Variants in SLC4A7 observed in about 807,000 individuals in gnomAD.
SLC4A7 encodes sodium bicarbonate cotransporter 3.
In SLC4A7, 51 loss-of-function variants were observed where a neutral mutation model predicts 137.6. The ratio of observed to expected loss-of-function variants is 0.37; its 90% confidence interval spans 0.30 to 0.47. The LOEUF (loss-of-function observed/expected upper bound fraction) is 0.47. Ranked by LOEUF, SLC4A7 falls within the 20% of genes least tolerant of loss-of-function variation. SLC4A7 has a pLI of 1.00. For missense variants in SLC4A7, 1,247 were observed against 1,525.4 expected, an observed-to-expected ratio of 0.82 and a Z score of 3.04; for synonymous variants, 542 against 518.6, an observed-to-expected ratio of 1.05 and a Z score of -0.61.
chr3:27,391,160 TAAG>T (rs2051512792), intron 21 of SLC4A7, among the ~76,000 whole-genome samples: 1 of 152,222 alleles, frequency 6.6e-6, no homozygotes, highest in South Asian at 2.1e-4. Flanking sequence ...GTACAAATCT[TAAG>T]AAGTTTTATT....
intron 1 of SLC4A7, among the ~76,000 whole-genome samples, chr3:27,467,553 T>C (rs770337870): frequency 5.3e-5 from 8 of 152,290 alleles, no homozygotes; most frequent in South Asian, 4.1e-4. Flanking sequence ...TTGAAGCAAG[T>C]AGCCAAGAAA....
intron 24 of SLC4A7, among the ~76,000 whole-genome samples, chr3:27,379,632 C>T (rs1235778764): frequency 6.6e-6 from 1 of 152,130 alleles, no homozygotes; most frequent in Non-Finnish European, 1.5e-5. Context: ...AGCACTCTAG[C>T]AATGATGCCC....
rs185138445 is a variant in SLC4A7, at chr3:27,459,326, A to G, written c.61-6828T>C. 3.0e-4 allele frequency among the ~76,000 whole-genome samples: 45 copies of G among 152,362 alleles called. 1 individual carries two copies. Among genetic ancestry groups the G allele is most frequent in the Admixed American group, 1.4e-3 (21 of 15,298 alleles). ...ATTTAACACTATCATGGACACTACCAAACCAATATTCCAATAAAATTTTAA... is the reference window on the plus strand; with the variant it reads ...ATTTAACACTATCATGGACACTACCGAACCAATATTCCAATAAAATTTTAA... On this transcript the variant is annotated intron_variant, in intron 1 of 25. Transcript: ENST00000454389.
At chr3:27,460,974 A>G (rs977604853) in intron 1 of SLC4A7, among the ~76,000 whole-genome samples, 1 of 152,196 alleles carries the variant, frequency 6.6e-6, no homozygotes. Context: ...ATGAAAATAA[A>G]ATGAACCTGT....
rs1403283692 is a variant in SLC4A7, at chr3:27,383,218, A to G, written c.3525T>C (p.Asp1175=). 6.2e-7 allele frequency: 1 copy of G among 1,612,822 alleles called. No homozygotes were observed. The highest frequency in any genetic ancestry group is 2.2e-5 in the East Asian group (1 of 44,860). The part of the protein sequence containing the change: ...EAERMLQDDD[D]TVHLPFEGGS... ...CCCCTTCAAATGGAAGGTGCACAGT[A>G]TCATCATCATCTTGAAGCATCCGTT... Residue 1175 remains aspartate (D), a synonymous_variant, in exon 24 of 26, where the codon GAT becomes GAC. Coordinates refer to ENST00000454389, the MANE Select transcript of SLC4A7 (RefSeq NM_001321103.2).
rs1329969730 is a variant in SLC4A7 at position 27,484,146 on chromosome 3, G to A, written c.-20C>T. On this transcript the variant is annotated 5_prime_UTR_variant, in exon 1 of 26. Transcript: ENST00000454389. ...CTCCATGGCCGGCCGGCCAGCCCGT[G>A]ACGGCCGCTACGGTACTGCCCCGCG... 7.4e-7 allele frequency: 1 copy of A among 1,360,300 alleles called. No homozygotes were observed. The highest frequency in any genetic ancestry group is 1.5e-5 in the African/African-American group (1 of 66,292). The allele number at this position is 1,360,300 out of a possible 1,614,324, so 84.3% of individuals were successfully genotyped here.
chr3:27,465,959 AAAAAAAAGAAAG>A (rs1335071346), intron 1 of SLC4A7, among the ~76,000 whole-genome samples: 2 of 135,404 alleles, frequency 1.5e-5, no homozygotes, highest in African/African-American at 5.1e-5. Flanking sequence ...GTCTCAAAAA[AAAAAAAAGAAAG>A]AAAGAAAGAA....
In SLC4A7 at chr3:27,420,760, C is replaced by T. The variant is rs142136589; in HGVS notation, c.1452G>A (p.Ala484=). 25 of 1,613,102 alleles carry T rather than the reference C, an allele frequency of 1.5e-5. No homozygotes were observed. The highest frequency in any genetic ancestry group is 2.7e-5 in the African/African-American group (2 of 74,782). ...TRFLFLLLGP[A]GKAPQYHEIG... ...TTTCATGGTACTGTGGTGCCTTGCC[C>T]GCTGGACCCAATAACAAAAACAAAA... Residue 484 remains alanine, a synonymous_variant, in exon 10 of 26, where the codon GCG becomes GCA. Transcript: ENST00000454389.
intron 24 of SLC4A7, among the ~76,000 whole-genome samples, chr3:27,382,782 C>T (rs1028580594): frequency 6.6e-6 from 1 of 152,048 alleles, no homozygotes; most frequent in East Asian, 1.9e-4. Flanking sequence ...CAGCACCCAC[C>T]GACCCCAGCC....
chr3:27,436,357 A>T, intron 5 of SLC4A7, 31 bp downstream of exon 5: 1 of 1,556,038 alleles, frequency 6.4e-7, no homozygotes, highest in Non-Finnish European at 8.8e-7. Context: ...ACTACACCTT[A>T]CATATTTTTT....
intron 1 of SLC4A7, among the ~76,000 whole-genome samples, chr3:27,460,010 CGT>C (rs1260205913): frequency 6.8e-6 from 1 of 146,290 alleles, no homozygotes. Context: ...CACACACACA[CGT>C]GTATATATAC....
At chr3:27,453,617 A>G (rs1402640243) in intron 1 of SLC4A7, among the ~76,000 whole-genome samples, 3 of 152,254 alleles carry the variant, frequency 2.0e-5, no homozygotes, top group Non-Finnish European at 4.4e-5. Flanking sequence ...CCGTCTAAAA[A>G]TGTATACAAA....
rs1323344994 is a variant in SLC4A7, at chr3:27,375,418, G to A, written c.*1346C>T. Reference sequence around the variant, plus strand: ...AGGCTTAACAACATTTATTTCATGTGGAACTAAAAGTATATAAAAGATGAC... The same window carrying A: ...AGGCTTAACAACATTTATTTCATGTAGAACTAAAAGTATATAAAAGATGAC... On this transcript the variant is annotated 3_prime_UTR_variant, in exon 26 of 26. Transcript: ENST00000454389. 1 of 152,036 alleles carries A rather than the reference G, an allele frequency of 6.6e-6. No individual in the cohort carries two copies. Among genetic ancestry groups the A allele is most frequent in the African/African-American group, 2.4e-5 (1 of 41,286 alleles). 9.4% of individuals were successfully genotyped at this position (152,036 alleles called of 1,614,324 possible).
intron 2 of SLC4A7, among the ~76,000 whole-genome samples, chr3:27,449,952 T>C (rs1484085662): frequency 6.6e-6 from 1 of 152,196 alleles, no homozygotes. Flanking sequence ...TGGGATTCCA[T>C]ATTTGCGAAG....
At chr3:27,477,298 G>A (rs2059500561) in intron 1 of SLC4A7, among the ~76,000 whole-genome samples, 1 of 152,198 alleles carries the variant, frequency 6.6e-6, no homozygotes, top group South Asian at 2.1e-4. Flanking sequence ...GTGAACAGCA[G>A]CTAACTTTTT....
At chr3:27,442,293 C>G (rs1324230382) in intron 3 of SLC4A7, among the ~76,000 whole-genome samples, 1 of 152,112 alleles carries the variant, frequency 6.6e-6, no homozygotes, top group African/African-American at 2.4e-5. Flanking sequence ...TCTTGTATAT[C>G]TTTAGAGAAA....
intron 16 of SLC4A7, 100 bp downstream of exon 16, chr3:27,400,664 C>T (rs1438941477): frequency 7.4e-6 from 5 of 678,066 alleles, no homozygotes; most frequent in South Asian, 6.1e-5. Context: ...AAACATACTA[C>T]CGATCCATCA....
chr3:27,420,421 T>TA (rs879285003), intron 10 of SLC4A7, among the ~76,000 whole-genome samples: 21 of 151,628 alleles, frequency 1.4e-4, no homozygotes, highest in Non-Finnish European at 2.1e-4. Flanking sequence ...AAATCTAGGA[T>TA]AAAAAAAATC....
intron 3 of SLC4A7, among the ~76,000 whole-genome samples, chr3:27,441,958 C>G (rs919061044): frequency 6.6e-6 from 1 of 151,690 alleles, no homozygotes; most frequent in Admixed American, 6.6e-5. Flanking sequence ...TGCAGTGACA[C>G]GATCTCGGCT....
Sources: gnomAD v4.1 joint callset for allele counts (sites outside exome capture counted in the v4.1 genomes callset) on GRCh38, gnomAD v4.1.1 for gene constraint, MANE v1.5 for transcripts, NCBI Gene and HGNC (gene_info 2026-07-23, HGNC 2026-07-21) for gene names.